Variants in POTEC observed in about 807,000 individuals in gnomAD.
POTEC encodes POTE ankyrin domain family member C, also known as ANKRD26-like family B member 2.
A neutral mutation model predicts 62.0 loss-of-function variants in POTEC; 35 were observed. The ratio of observed to expected loss-of-function variants is 0.56; its 90% CI spans 0.43 to 0.75. The LOEUF (loss-of-function observed/expected upper bound fraction) is 0.75. POTEC is among the 30% of genes least tolerant of loss of function. POTEC has a pLI of 0.00. For missense variants in POTEC, 472 were observed against 655.9 expected (o/e 0.72, Z 3.06); for synonymous variants, 156 against 221.5 (o/e 0.70, Z 2.62).
intron 8 of POTEC, among the ~76,000 whole-genome samples, 192 bp downstream of exon 8, chr18:14,523,271 G>T (rs1476929337): frequency 1.3e-5 from 2 of 150,052 alleles, no homozygotes; most frequent in Non-Finnish European, 3.0e-5. Flanking sequence ...AATAATGAAA[G>T]AATCTCTCTA....
At chr18:14,540,716 A>G (rs1339771044) in intron 1 of POTEC, among the ~76,000 whole-genome samples, 1 of 152,220 alleles carries the variant, frequency 6.6e-6, no homozygotes, top group African/African-American at 2.4e-5. Flanking sequence ...AATGGAATAG[A>G]TGGGTAAAAG....
At chr18:14,522,654 G>A (rs1417839987) in intron 8 of POTEC, among the ~76,000 whole-genome samples, 1 of 151,976 alleles carries the variant, frequency 6.6e-6, no homozygotes, top group Non-Finnish European at 1.5e-5. Flanking sequence ...CTGTTTGACT[G>A]AATAAAACAG....
Position 14,542,776 on chromosome 18 carries a change from T to C in POTEC, c.371A>G (p.Asp124Gly). 1 of 1,613,788 alleles carries C rather than the reference T, an allele frequency of 6.2e-7. No homozygotes were observed. Residue 124 changes from aspartate (D) to glycine (G), a missense_variant, in exon 1 of 11, where the codon GAC becomes GGC. This residue lies in a region of POTEC where 257 missense variants were observed against 250.7 expected (regional missense o/e 1.03). Coordinates refer to ENST00000358970, the MANE Select transcript of POTEC (RefSeq NM_001137671.2). ...KSNVGAWGDY[D>G]DSAFMEPRYH... Reference sequence around the variant, plus strand: ...CCTCGGCTCCATGAAGGCGCTGTCGTCGTAGTCTCCCCAAGCGCCCACGTT... The same window carrying C: ...CCTCGGCTCCATGAAGGCGCTGTCGCCGTAGTCTCCCCAAGCGCCCACGTT...
chr18:14,531,752 A>C (rs1401094388), intron 5 of POTEC: 1 of 151,208 alleles, frequency 6.6e-6, no homozygotes, highest in Non-Finnish European at 1.5e-5. Context: ...TATTGTTCCA[A>C]TTTTAGGATA....
Position 14,508,105 on chromosome 18 carries a change from T to C in POTEC, c.*3793A>G, listed in dbSNP as rs905778474. 4 of 152,208 alleles carry C rather than the reference T, an allele frequency of 2.6e-5. No individual in the cohort carries two copies. Among genetic ancestry groups the C allele is most frequent in the African/African-American group, 9.7e-5 (4 of 41,448 alleles). The allele number at this position is 152,208 out of a possible 1,614,324, so 9.4% of individuals were successfully genotyped here. A position where few individuals can be genotyped will look rare whatever the true frequency, so the allele number is the denominator to read the frequency against. Reference sequence around the variant, plus strand: ...CTCTGGATTTCCTGAAGTTGAATGTTGGCCTGTCTGGCTAGGTTGGGGACA... The same window carrying C: ...CTCTGGATTTCCTGAAGTTGAATGTCGGCCTGTCTGGCTAGGTTGGGGACA... On this transcript the variant is annotated 3_prime_UTR_variant, in exon 11 of 11. Coordinates refer to ENST00000358970, the MANE Select transcript of POTEC (RefSeq NM_001137671.2).
chr18:14,541,193 A>T (rs1289725229), intron 1 of POTEC, among the ~76,000 whole-genome samples: 1 of 152,030 alleles, frequency 6.6e-6, no homozygotes, highest in Non-Finnish European at 1.5e-5. Flanking sequence ...CTGGCCTTTC[A>T]TTCCTCTTCT....
chr18:14,534,403 T>C (rs1905636921), intron 4 of POTEC, among the ~76,000 whole-genome samples: 1 of 152,054 alleles, frequency 6.6e-6, no homozygotes, highest in African/African-American at 2.4e-5. Flanking sequence ...TAGCAATTAA[T>C]TGTCATGTGG....
chr18:14,510,502 T>C lies in POTEC; in HGVS notation c.*1396A>G, dbSNP rs999692870. 7.8e-4 allele frequency: 118 copies of C among 152,010 alleles called. No homozygotes were observed. The highest frequency in any genetic ancestry group is 2.7e-3 in the African/African-American group (110 of 41,468). 9.4% of individuals were successfully genotyped at this position (152,010 alleles called of 1,614,324 possible). A position where few individuals can be genotyped will look rare whatever the true frequency, so the allele number is the denominator to read the frequency against. ...CCACATAACAGTCTGGCCACTTTTC[T>C]GTGGGGCTGCCGTGGTATGCTGGGG... On this transcript the variant is annotated 3_prime_UTR_variant, in exon 11 of 11. Transcript: ENST00000358970.
chr18:14,542,689 G>A lies in POTEC; in HGVS notation c.458C>T (p.Pro153Leu), dbSNP rs181229726. The A allele has an allele frequency of 5.3e-3, 8,597 of 1,612,958 alleles. 27 individuals carry two copies. The highest frequency in any genetic ancestry group is 6.0e-3 in the Non-Finnish European group (7,063 of 1,179,914). ...GAGCATGACGATGAGATCCTTTCTG[G>A]GGACCTTACCCCACCAGGCAGCTCT... ...LHRAAWWGKV[P>L]RKDLIVMLRD... The change falls in exon 1 of 11, where the codon CCC (proline) becomes CTC (leucine). Residue 153 changes from proline to leucine, a missense_variant. By Grantham distance (98) the Pro-to-Leu change is moderately conservative. Coordinates refer to ENST00000358970, the MANE Select transcript of POTEC (RefSeq NM_001137671.2).
chr18:14,523,996 G>A (rs144011650), intron 7 of POTEC, among the ~76,000 whole-genome samples: 3,094 of 152,140 alleles, frequency 0.02, 100 homozygotes, highest in African/African-American at 0.07. Flanking sequence ...TTGTAGGCAC[G>A]CTTTAAATTA....
At chr18:14,525,594 T>TAAC (rs1910415052) in intron 6 of POTEC, among the ~76,000 whole-genome samples, 1 of 151,800 alleles carries the variant, frequency 6.6e-6, no homozygotes, top group African/African-American at 2.4e-5. Flanking sequence ...AGCTATGCAG[T>TAAC]GGTTGCAAAA....
intron 9 of POTEC, among the ~76,000 whole-genome samples, chr18:14,517,107 G>A (rs1386294482): frequency 2.7e-5 from 4 of 149,228 alleles, no homozygotes; most frequent in South Asian, 2.2e-4. Context: ...AAAGAAAACA[G>A]ATATTCCTGA....
intron 6 of POTEC, among the ~76,000 whole-genome samples, chr18:14,527,323 T>A (rs1361588339): frequency 6.6e-6 from 1 of 152,138 alleles, no homozygotes; most frequent in East Asian, 1.9e-4. Context: ...AGGGATTCTG[T>A]TTGGCTGCAG....
chr18:14,522,011 T>G (rs949643576), intron 9 of POTEC, among the ~76,000 whole-genome samples: 1 of 152,140 alleles, frequency 6.6e-6, no homozygotes, highest in African/African-American at 2.4e-5. Context: ...AAAATAAAAG[T>G]TCATTAAAAA....
rs9964426 is a variant in POTEC at position 14,526,440 on chromosome 18, T to A, written c.1127-1457A>T. On this transcript the variant is annotated intron_variant, in intron 6 of 10. Transcript: ENST00000358970. The stretch of plus-strand genomic sequence containing the variant: ...ACAGTCTTTATTTTACTCAGAAATT[T>A]CTTATTGAGACCTGCTACATACATG... Among the ~76,000 whole-genome samples, 1,181 of 152,236 alleles carry A rather than the reference T, an allele frequency of 7.8e-3. 18 individuals are homozygous for A. The highest frequency in any genetic ancestry group is 0.027 in the African/African-American group (1,126 of 41,540).
In POTEC at chr18:14,511,674, C is replaced by T. The variant is rs1230195975; in HGVS notation, c.*224G>A. Reference sequence around the variant, plus strand: ...AGTCTACAATGACATGATTGAATTTCCATTTCCAGTGTTTCCTAGCTGTGT... The same window carrying T: ...AGTCTACAATGACATGATTGAATTTTCATTTCCAGTGTTTCCTAGCTGTGT... On this transcript the variant is annotated 3_prime_UTR_variant, in exon 11 of 11. Transcript: ENST00000358970. 1 of 595,532 alleles carries T rather than the reference C, an allele frequency of 1.7e-6. No homozygotes were observed. Among genetic ancestry groups the T allele is most frequent in the African/African-American group, 2.1e-5 (1 of 47,300 alleles). 36.9% of individuals were successfully genotyped at this position (595,532 alleles called of 1,614,324 possible). A position where few individuals can be genotyped will look rare whatever the true frequency, so the allele number is the denominator to read the frequency against.
chr18:14,524,154 G>A (rs1266381839), intron 7 of POTEC, among the ~76,000 whole-genome samples: 1 of 152,090 alleles, frequency 6.6e-6, no homozygotes, highest in Non-Finnish European at 1.5e-5. Context: ...TAATTATAGT[G>A]GATAAAATTT....
intron 9 of POTEC, among the ~76,000 whole-genome samples, chr18:14,520,048 C>T (rs1256675104): frequency 6.6e-6 from 1 of 151,930 alleles, no homozygotes; most frequent in Non-Finnish European, 1.5e-5. Context: ...GACTTACTGG[C>T]ATGAGATCAA....
chr18:14,508,268 A>T lies in POTEC; in HGVS notation c.*3630T>A, dbSNP rs1185997344. On this transcript the variant is annotated 3_prime_UTR_variant, in exon 11 of 11. Coordinates refer to ENST00000358970, the MANE Select transcript of POTEC (RefSeq NM_001137671.2). The stretch of plus-strand genomic sequence containing the variant: ...TCGGATGTTTTGTTCATTCCCTTTC[A>T]TTCTTTTTTCCCCCATTCTTGTTTG... 6.6e-6 allele frequency: 1 copy of T among 152,374 alleles called. No individual in the cohort carries two copies. Among genetic ancestry groups the T allele is most frequent in the African/African-American group, 2.4e-5 (1 of 41,354 alleles). 9.4% of individuals were successfully genotyped at this position (152,374 alleles called of 1,614,324 possible).
Sources: allele counts gnomAD v4.1 joint callset (sites outside exome capture counted in the v4.1 genomes callset), GRCh38; gene constraint gnomAD v4.1.1; regional missense constraint gnomAD v4.1.1; transcripts MANE v1.5; gene names NCBI Gene and HGNC (gene_info 2026-07-23, HGNC 2026-07-21).